The following CFAP77 variants were observed in gnomAD, a reference collection of about 807,000 sequenced individuals.
CFAP77 encodes cilia- and flagella-associated protein 77.
In CFAP77, 25 loss-of-function variants were observed where a neutral mutation model predicts 31.1. The observed-to-expected ratio is 0.80, with a 90% CI of 0.59 to 1.12. CFAP77 has a LOEUF of 1.12. Among genes scored for constraint, CFAP77 ranks in the 50% most tolerant of loss-of-function variants. The pLI is 0.00. For synonymous variants in CFAP77, 151 were observed against 159.9 expected (o/e 0.94, Z 0.42); for missense variants, 377 against 397.3 (o/e 0.95, Z 0.44).
chr9:132,553,703 G>A (rs1291626117), intron 5 of CFAP77, among the ~76,000 whole-genome samples: 1 of 152,216 alleles, frequency 6.6e-6, no homozygotes, highest in Non-Finnish European at 1.5e-5. Context: ...TGTTGGAAGG[G>A]GGAACCCCAC....
chr9:132,461,769 A>G (rs1325572204), intron 1 of CFAP77, among the ~76,000 whole-genome samples: 3 of 152,214 alleles, frequency 2.0e-5, no homozygotes, highest in African/African-American at 7.2e-5. Flanking sequence ...GTGTGCGGGC[A>G]ATGCTTTGTT....
At chr9:132,417,118 C>CT (rs142153092) in intron 1 of CFAP77, among the ~76,000 whole-genome samples, 50,923 of 139,158 alleles carry the variant, frequency 0.37, 11,298 homozygotes, top group East Asian at 0.73. Flanking sequence ...TTCTTTTTTT[C>CT]TTTTTTTTTT....
intron 3 of CFAP77, among the ~76,000 whole-genome samples, chr9:132,525,596 A>G (rs1435880759): frequency 1.3e-5 from 2 of 152,196 alleles, no homozygotes; most frequent in Admixed American, 1.3e-4. Context: ...CCAATTTTAT[A>G]TGCCCTCATC....
At chr9:132,561,578 G>T (rs1829806265) in intron 5 of CFAP77, among the ~76,000 whole-genome samples, 1 of 141,616 alleles carries the variant, frequency 7.1e-6, no homozygotes, top group Non-Finnish European at 1.5e-5. Flanking sequence ...GCCAGATTTG[G>T]TTTCTTCTGG....
At chr9:132,519,732 G>GTGGA (rs1327417980) in intron 3 of CFAP77, among the ~76,000 whole-genome samples, 3 of 118,386 alleles carry the variant, frequency 2.5e-5, no homozygotes, top group Admixed American at 8.5e-5. Flanking sequence ...GAATGGATGG[G>GTGGA]TGGATGGATG....
chr9:132,426,963 C>T (rs1371972392), intron 1 of CFAP77, among the ~76,000 whole-genome samples: 4 of 152,088 alleles, frequency 2.6e-5, no homozygotes, highest in Admixed American at 2.0e-4. Flanking sequence ...GGATCTCAGC[C>T]GTAATTCCTT....
At chr9:132,414,501 A>T (rs1850063604) in intron 1 of CFAP77, among the ~76,000 whole-genome samples, 2 of 9,652 alleles carry the variant, frequency 2.1e-4, no homozygotes, top group South Asian at 8.4e-3. Flanking sequence ...GCTCTTATTC[A>T]CACACACACA....
intron 1 of CFAP77, among the ~76,000 whole-genome samples, chr9:132,453,265 C>A (rs1850857622): frequency 6.6e-6 from 1 of 152,236 alleles, no homozygotes; most frequent in South Asian, 2.1e-4. Flanking sequence ...TGGCTCACAC[C>A]TGTAATCCTA....
At chr9:132,474,732 C>T (rs1449521283) in intron 1 of CFAP77, among the ~76,000 whole-genome samples, 3 of 151,964 alleles carry the variant, frequency 2.0e-5, no homozygotes, top group Non-Finnish European at 2.9e-5. Context: ...CAAAATGGTG[C>T]GCGTGACTCA....
intron 5 of CFAP77, among the ~76,000 whole-genome samples, chr9:132,550,303 G>A (rs1852803572): frequency 6.6e-6 from 1 of 152,232 alleles, no homozygotes; most frequent in Non-Finnish European, 1.5e-5. Flanking sequence ...GAGTAAGACA[G>A]CTGGTTTGGG....
Position 132,501,909 on chromosome 9 carries a change from G to T in CFAP77, c.524+2309G>T, listed in dbSNP as rs73659064. Among the ~76,000 whole-genome samples the T allele has an allele frequency of 6.6e-6, 1 of 152,168 alleles. No individual in the cohort carries two copies. Among genetic ancestry groups the T allele is most frequent in the Admixed American group, 6.5e-5 (1 of 15,282 alleles). ...TGGTGGAAAAGACGTACAGACCAGG[G>T]TTGTGTTCCAGGAGGGGAATGGACA... On this transcript the variant is annotated intron_variant, in intron 3 of 5. Coordinates refer to ENST00000393216, the MANE Select transcript of CFAP77 (RefSeq NM_001282957.2). This position sits in a 1 kb window ranked among gnomAD's most constrained non-coding sequence, Gnocchi z 4.6.
At chr9:132,537,544 G>A in intron 3 of CFAP77, 57 bp from the exon 4 acceptor site, 1 of 1,338,994 alleles carries the variant, frequency 7.5e-7, no homozygotes, top group Non-Finnish European at 1.0e-6. Flanking sequence ...GCGGTGGGGA[G>A]CGGGTGCCTC....
At chr9:132,447,635 G>C (rs947245447) in intron 1 of CFAP77, among the ~76,000 whole-genome samples, 2 of 152,212 alleles carry the variant, frequency 1.3e-5, no homozygotes, top group South Asian at 4.1e-4. Context: ...CAGCGTGTCC[G>C]CCGTGTGTTC....
intron 5 of CFAP77, among the ~76,000 whole-genome samples, chr9:132,556,555 A>C (rs1035175841): frequency 2.0e-5 from 3 of 151,996 alleles, no homozygotes; most frequent in Non-Finnish European, 4.4e-5. Flanking sequence ...AAGTCTGGAA[A>C]ACACACACAC....
At chr9:132,541,541 C>A (rs1484117480) in intron 4 of CFAP77, among the ~76,000 whole-genome samples, 1 of 152,130 alleles carries the variant, frequency 6.6e-6, no homozygotes, top group Admixed American at 6.5e-5. Context: ...CTGGCCAACA[C>A]GGCAAAACCC....
chr9:132,425,175 G>T (rs1850292174), intron 1 of CFAP77, among the ~76,000 whole-genome samples: 1 of 152,104 alleles, frequency 6.6e-6, no homozygotes, highest in Admixed American at 6.5e-5. Flanking sequence ...CCGAAATCTG[G>T]GCTATTGAAT....
rs1829976189 is a variant in CFAP77 at position 132,572,675 on chromosome 9, C to T, written c.*165C>T. The T allele has an allele frequency of 2.8e-6, 2 of 719,966 alleles. No individual in the cohort carries two copies. Among genetic ancestry groups the T allele is most frequent in the African/African-American group, 1.8e-5 (1 of 55,240 alleles). 44.6% of individuals were successfully genotyped at this position (719,966 alleles called of 1,614,324 possible). A position where few individuals can be genotyped will look rare whatever the true frequency, so the allele number is the denominator to read the frequency against. Reference sequence around the variant, plus strand: ...TAATTGTTTTTGGTAAAAGTCCCCCCTTTTAGGTTAGCCAACATTAGTCTC... The same window carrying T: ...TAATTGTTTTTGGTAAAAGTCCCCCTTTTTAGGTTAGCCAACATTAGTCTC... On this transcript the variant is annotated 3_prime_UTR_variant, in exon 6 of 6. Transcript: ENST00000393216.
intron 5 of CFAP77, among the ~76,000 whole-genome samples, chr9:132,543,759 C>A (rs1852686052): frequency 6.6e-6 from 1 of 152,236 alleles, no homozygotes; most frequent in South Asian, 2.1e-4. Flanking sequence ...ACCCAGGGAA[C>A]ACGCCACATT....
intron 1 of CFAP77, among the ~76,000 whole-genome samples, chr9:132,428,814 C>T (rs573671548): frequency 6.6e-6 from 1 of 151,546 alleles, no homozygotes; most frequent in African/African-American, 2.4e-5. Flanking sequence ...CTTTGAAGAC[C>T]CCCCCCTGCT....
Sources: gnomAD v4.1 joint callset for allele counts (sites outside exome capture counted in the v4.1 genomes callset) on GRCh38, gnomAD v4.1.1 for gene constraint, Gnocchi (gnomAD v3.1) non-coding constraint, MANE v1.5 for transcripts, NCBI Gene and HGNC (gene_info 2026-07-23, HGNC 2026-07-21) for gene names.